Variants in CACNA1D observed in about 807,000 individuals in gnomAD.
CACNA1D encodes the protein voltage-dependent L-type calcium channel subunit alpha-1D.
A neutral mutation model predicts 257.1 loss-of-function variants in CACNA1D; 55 were observed. The ratio of observed to expected loss-of-function variants is 0.21; its 90% CI spans 0.17 to 0.27. CACNA1D has a LOEUF of 0.27. CACNA1D is among the 10% of genes least tolerant of loss of function. CACNA1D has a pLI of 1.00. For synonymous variants in CACNA1D, 980 were observed against 1,014.9 expected (o/e 0.97, Z 0.65); for missense variants, 1,876 against 2,784.0 (o/e 0.67, Z 7.34).
intron 8 of CACNA1D, among the ~76,000 whole-genome samples, chr3:53,686,534 A>C (rs2094474684): frequency 1.3e-5 from 2 of 152,100 alleles, no homozygotes; most frequent in African/African-American, 4.8e-5. Context: ...TCACCATTGG[A>C]AAATCAAATA....
rs1353988684 is a variant in CACNA1D, at chr3:53,588,295, C to A, written c.484-62484C>A. On this transcript the variant is annotated intron_variant, in intron 3 of 47. Coordinates refer to ENST00000350061, the MANE Select transcript of CACNA1D (RefSeq NM_001128840.3). ...GCAAGCTCTTTTTCACTGACTCACTCACCAGTGTTTGCTGAGTGTGTCTCA... is the reference window on the plus strand; with the variant it reads ...GCAAGCTCTTTTTCACTGACTCACTAACCAGTGTTTGCTGAGTGTGTCTCA... Among the ~76,000 whole-genome samples the A allele has an allele frequency of 3.3e-5, 5 of 152,190 alleles. No individual in the cohort carries two copies. The East Asian group carries it at 9.6e-4, about 29-fold the overall frequency.
chr3:53,634,220 T>C (rs143215063), intron 3 of CACNA1D, among the ~76,000 whole-genome samples: 5 of 152,238 alleles, frequency 3.3e-5, no homozygotes, highest in African/African-American at 1.2e-4. Flanking sequence ...AATGTAATGA[T>C]TTCAGTTGGT....
At chr3:53,734,400 T>C (rs2095036558) in intron 19 of CACNA1D, among the ~76,000 whole-genome samples, 1 of 152,088 alleles carries the variant, frequency 6.6e-6, no homozygotes, top group African/African-American at 2.4e-5. Context: ...ACATATACTT[T>C]ACAATTTAAA....
intron 14 of CACNA1D, among the ~76,000 whole-genome samples, chr3:53,726,506 G>A (rs2094936318): frequency 2.6e-5 from 4 of 152,050 alleles, no homozygotes; most frequent in Admixed American, 2.6e-4. Flanking sequence ...GTGTGGTGGT[G>A]GTCACCTGTA....
intron 27 of CACNA1D, among the ~76,000 whole-genome samples, chr3:53,750,115 A>G (rs915495129): frequency 6.6e-6 from 1 of 152,166 alleles, no homozygotes; most frequent in African/African-American, 2.4e-5. Context: ...TGGGACTAAG[A>G]TTGTATTGGC....
chr3:53,560,850 C>G (rs1172745821), intron 3 of CACNA1D, among the ~76,000 whole-genome samples: 1 of 152,200 alleles, frequency 6.6e-6, no homozygotes, highest in Non-Finnish European at 1.5e-5. Context: ...ATGGATGGCT[C>G]TATGGCCCTG....
At chr3:53,709,625 C>A (rs958748155) in intron 9 of CACNA1D, among the ~76,000 whole-genome samples, 1 of 152,198 alleles carries the variant, frequency 6.6e-6, no homozygotes, top group Admixed American at 6.5e-5. Context: ...TCGCACAACC[C>A]TCCCCTAGAG....
intron 3 of CACNA1D, among the ~76,000 whole-genome samples, chr3:53,590,015 T>C (rs537507928): frequency 2.6e-5 from 4 of 152,326 alleles, no homozygotes; most frequent in African/African-American, 9.6e-5. Flanking sequence ...CTCTCCTCCT[T>C]GGCCAACTTA....
intron 4 of CACNA1D, among the ~76,000 whole-genome samples, chr3:53,651,334 T>G (rs1200963750): frequency 6.8e-6 from 1 of 147,796 alleles, no homozygotes; most frequent in Non-Finnish European, 1.5e-5. Flanking sequence ...TACTCTGCTA[T>G]TTAACATCCC....
At chr3:53,794,722 C>T (rs897877353) in intron 40 of CACNA1D, among the ~76,000 whole-genome samples, 8 of 152,328 alleles carry the variant, frequency 5.3e-5, no homozygotes, top group Middle Eastern at 6.8e-3. Context: ...AGCACAAAGA[C>T]GCCAGGGTGA....
At chr3:53,553,681 A>G (rs1256430131) in intron 3 of CACNA1D, among the ~76,000 whole-genome samples, 1 of 152,138 alleles carries the variant, frequency 6.6e-6, no homozygotes, top group Admixed American at 6.6e-5. Flanking sequence ...GTCTTTATCC[A>G]ACCCTATGAC....
intron 32 of CACNA1D, among the ~76,000 whole-genome samples, chr3:53,771,703 T>C (rs1374431930): frequency 6.6e-6 from 1 of 152,266 alleles, no homozygotes; most frequent in Non-Finnish European, 1.5e-5. Context: ...TATCTCACTT[T>C]TTAAAGAAAT....
chr3:53,626,873 G>T (rs1055540465), intron 3 of CACNA1D, among the ~76,000 whole-genome samples: 1 of 152,068 alleles, frequency 6.6e-6, no homozygotes, highest in East Asian at 1.9e-4. Flanking sequence ...TTCAGTTAAC[G>T]AAACGTCAGT....
At chr3:53,530,378 C>T (rs1362300401) in intron 3 of CACNA1D, 2 of 152,166 alleles carry the variant, frequency 1.3e-5, no homozygotes, top group African/African-American at 4.8e-5. Context: ...TTCAGATTGT[C>T]GTGTTTAGAC....
At chr3:53,656,259 A>G (rs2108303616) in intron 4 of CACNA1D, among the ~76,000 whole-genome samples, 1 of 152,266 alleles carries the variant, frequency 6.6e-6, no homozygotes, top group Non-Finnish European at 1.5e-5. Context: ...TTGGCCATCC[A>G]GGCTCCTTTT....
At chr3:53,660,002 C>CT (rs2094187777) in intron 4 of CACNA1D, 131 bp from the exon 5 acceptor site, 1 of 691,788 alleles carries the variant, frequency 1.4e-6, no homozygotes, top group Non-Finnish European at 2.4e-6. Context: ...CAGTTCTTGT[C>CT]TTTGTCTTCC....
intron 3 of CACNA1D, among the ~76,000 whole-genome samples, chr3:53,625,824 ATGGT>A (rs1356318748): frequency 6.6e-6 from 1 of 152,116 alleles, no homozygotes; most frequent in African/African-American, 2.4e-5. Flanking sequence ...CTGTTAATGT[ATGGT>A]TGGGTGAGTG....
chr3:53,718,408 G>T lies in CACNA1D; in HGVS notation c.1478+20G>T, dbSNP rs368352738. On this transcript the variant is annotated intron_variant, in intron 10 of 47. Coordinates refer to ENST00000350061, the MANE Select transcript of CACNA1D (RefSeq NM_001128840.3). ...TCTCTGGTGAGTGTGGGGAGCACTT[G>T]CCCTCTTTCCCCTCCTGTTGTCTCA... The T allele has an allele frequency of 6.2e-7, 1 of 1,602,630 alleles. No individual in the cohort carries two copies.
rs910384189 is a variant in CACNA1D at position 53,665,894 on chromosome 3, C to A, written c.919+82C>A. 14 of 1,163,040 alleles carry A rather than the reference C, an allele frequency of 1.2e-5. No homozygotes were observed. The South Asian group carries it at 1.3e-4, about 11-fold the overall frequency. 72.0% of individuals were successfully genotyped at this position (1,163,040 alleles called of 1,614,324 possible). A position where few individuals can be genotyped will look rare whatever the true frequency, so the allele number is the denominator to read the frequency against. ...GCAACTTTCATGGTTTGGGGAAAATCTAAAACAAAATAGGAAAAAAAATGC... is the reference window on the plus strand; with the variant it reads ...GCAACTTTCATGGTTTGGGGAAAATATAAAACAAAATAGGAAAAAAAATGC... On this transcript the variant is annotated intron_variant, in intron 6 of 47. Transcript: ENST00000350061.
Sources: gnomAD v4.1 joint callset for allele counts (sites outside exome capture counted in the v4.1 genomes callset) on GRCh38, gnomAD v4.1.1 for gene constraint, MANE v1.5 for transcripts, NCBI Gene and HGNC (gene_info 2026-07-23, HGNC 2026-07-21) for gene names.